Variants in GPC6 observed in about 807,000 individuals in gnomAD.
GPC6 encodes glypican-6.
GPC6 carries 14 observed loss-of-function variants against 55.2 expected under a neutral mutation model. The ratio of observed to expected loss-of-function variants is 0.25; its 90% CI spans 0.17 to 0.40. The LOEUF (loss-of-function observed/expected upper bound fraction) is 0.40, where lower values mean the gene tolerates loss of function less well. Among genes scored for constraint, GPC6 ranks in the 10% least tolerant of loss-of-function variants. The pLI, the probability that GPC6 is intolerant of heterozygous loss-of-function variation, is 1.00. For synonymous variants in GPC6, 278 were observed against 259.6 expected, an observed-to-expected ratio of 1.07 and a Z score of -0.68; for missense variants, 641 against 708.5, an observed-to-expected ratio of 0.90 and a Z score of 1.08.
At chr13:94,363,973 A>ATGTT (rs1321842798) in intron 6 of GPC6, among the ~76,000 whole-genome samples, 3 of 152,370 alleles carry the variant, frequency 2.0e-5, no homozygotes, top group Middle Eastern at 3.4e-3. Flanking sequence ...TATTGAAACA[A>ATGTT]TGTTTTGAAT....
intron 1 of GPC6, among the ~76,000 whole-genome samples, chr13:93,358,353 A>G (rs1197286943): frequency 1.3e-5 from 2 of 152,150 alleles, no homozygotes; most frequent in Admixed American, 1.3e-4. Flanking sequence ...GACAAAAAAA[A>G]ATGGTTAACA....
chr13:93,912,122 G>A (rs1450828773), intron 3 of GPC6, among the ~76,000 whole-genome samples: 2 of 152,128 alleles, frequency 1.3e-5, no homozygotes, highest in Non-Finnish European at 2.9e-5. Flanking sequence ...CCATTCTTAG[G>A]CTTGCATTAA....
chr13:93,705,001 A>C (rs1239957166), intron 2 of GPC6, among the ~76,000 whole-genome samples: 2 of 151,902 alleles, frequency 1.3e-5, no homozygotes, highest in African/African-American at 4.8e-5. Context: ...GAGCACTTAG[A>C]TTACACCTGT....
chr13:93,884,864 A>G (rs1014487101), intron 3 of GPC6, among the ~76,000 whole-genome samples: 8 of 152,136 alleles, frequency 5.3e-5, no homozygotes, highest in African/African-American at 7.2e-5. Context: ...GTGAAACGTT[A>G]CAAGAGCTTA....
intron 4 of GPC6, among the ~76,000 whole-genome samples, chr13:94,057,486 T>C (rs1884171160): frequency 6.6e-6 from 1 of 152,180 alleles, no homozygotes; most frequent in African/African-American, 2.4e-5. Context: ...CATTAGTTTG[T>C]TTAAAATGGT....
rs1457169085 is a variant in GPC6, at chr13:94,322,006, G to A, written c.1152+15883G>A. Among the ~76,000 whole-genome samples, 7 of 151,980 alleles carry A rather than the reference G, an allele frequency of 4.6e-5. 1 individual carries two copies. The highest frequency in any genetic ancestry group is 1.2e-4 in the African/African-American group (5 of 41,368). On this transcript the variant is annotated intron_variant, in intron 6 of 8. Transcript: ENST00000377047. The stretch of plus-strand genomic sequence containing the variant: ...CTGGCACCTAGAAAGATTCTCCTTC[G>A]TACATTACTTACCAACTGATATGGT...
In GPC6 at chr13:93,788,108, G is replaced by A. The variant is rs560418250; in HGVS notation, c.320-42046G>A. ...TGCTATAATAGAACACCATAAACTA[G>A]GTAATTTACAAATATCACAAATATT... On this transcript the variant is annotated intron_variant, in intron 2 of 8. Transcript: ENST00000377047. Among the ~76,000 whole-genome samples the A allele has an allele frequency of 3.6e-3, 545 of 152,188 alleles. 5 individuals are homozygous for A. Among genetic ancestry groups the A allele is most frequent in the African/African-American group, 0.013 (527 of 41,522 alleles).
chr13:93,387,133 C>CT (rs11406368), intron 1 of GPC6, among the ~76,000 whole-genome samples: 137,030 of 145,894 alleles, frequency 0.94, 64,775 homozygotes, highest in East Asian at 1. Context: ...TGGTTTCTTT[C>CT]TTTTTTTTTT....
chr13:94,380,081 G>A (rs190945078), intron 6 of GPC6, among the ~76,000 whole-genome samples: 4 of 152,250 alleles, frequency 2.6e-5, no homozygotes, highest in African/African-American at 9.6e-5. Context: ...CCTGTGGGGC[G>A]GCATGCAACT....
intron 4 of GPC6, among the ~76,000 whole-genome samples, chr13:94,126,491 G>A (rs1886819292): frequency 6.6e-6 from 1 of 152,130 alleles, no homozygotes; most frequent in South Asian, 2.1e-4. Flanking sequence ...TATGAAAGTG[G>A]CTTTTAGTGA....
intron 6 of GPC6, among the ~76,000 whole-genome samples, chr13:94,340,871 G>A (rs752397518): frequency 4.6e-5 from 7 of 152,164 alleles, no homozygotes; most frequent in African/African-American, 7.2e-5. Flanking sequence ...TTTAATATGC[G>A]CCCCTTGCTA....
chr13:93,587,893 A>G (rs1877280023), intron 2 of GPC6, among the ~76,000 whole-genome samples: 1 of 152,230 alleles, frequency 6.6e-6, no homozygotes, highest in Admixed American at 6.5e-5. Context: ...GTAAGAATTA[A>G]TGAACTCTCA....
intron 4 of GPC6, among the ~76,000 whole-genome samples, chr13:94,058,144 T>G (rs540852419): frequency 1.1e-4 from 16 of 152,158 alleles, no homozygotes; most frequent in Non-Finnish European, 2.1e-4. Flanking sequence ...GCTCAGGACT[T>G]CCCCAAAATT....
chr13:94,121,072 G>T (rs989464720), intron 4 of GPC6, among the ~76,000 whole-genome samples: 1 of 152,094 alleles, frequency 6.6e-6, no homozygotes, highest in African/African-American at 2.4e-5. Flanking sequence ...GCTAGAAAAT[G>T]TTAATGGAGA....
chr13:93,708,059 TGAA>T (rs972919297), intron 2 of GPC6, among the ~76,000 whole-genome samples: 3 of 151,808 alleles, frequency 2.0e-5, no homozygotes, highest in African/African-American at 7.2e-5. Flanking sequence ...TACATCATGT[TGAA>T]GAATAAACAT....
At chr13:93,272,838 G>A (rs200406960) in intron 1 of GPC6, among the ~76,000 whole-genome samples, 1 of 152,132 alleles carries the variant, frequency 6.6e-6, no homozygotes, top group East Asian at 1.9e-4. Context: ...TTCCATGTTA[G>A]ATACCAGCAG....
intron 1 of GPC6, among the ~76,000 whole-genome samples, chr13:93,285,310 C>A (rs867681097): frequency 2.0e-5 from 3 of 152,066 alleles, no homozygotes; most frequent in Non-Finnish European, 2.9e-5. Context: ...AATTGTCTTT[C>A]AGTTATATAA....
chr13:94,186,369 A>T (rs1465423607), intron 4 of GPC6, among the ~76,000 whole-genome samples: 1 of 152,218 alleles, frequency 6.6e-6, no homozygotes, highest in Non-Finnish European at 1.5e-5. Context: ...CAACAAGAGC[A>T]GAGTCCCATT....
intron 2 of GPC6, among the ~76,000 whole-genome samples, chr13:93,739,470 C>T (rs140049742): frequency 0.02 from 2,864 of 145,378 alleles, 83 homozygotes; most frequent in African/African-American, 0.068. Flanking sequence ...CACTCTGTTG[C>T]CCAGGCTGGA....
Sources: allele counts gnomAD v4.1 joint callset (sites outside exome capture counted in the v4.1 genomes callset), GRCh38; gene constraint gnomAD v4.1.1; transcripts MANE v1.5; gene names NCBI Gene and HGNC (gene_info 2026-07-23, HGNC 2026-07-21).